Variants in ANO6 observed in about 807,000 individuals in gnomAD.
ANO6 encodes anoctamin 6.
A neutral mutation model predicts 117.5 loss-of-function variants in ANO6; 106 were observed. The ratio of observed to expected loss-of-function variants is 0.90; its 90% CI spans 0.77 to 1.06. The LOEUF is 1.06. Among genes scored for constraint, ANO6 ranks in the 50% least tolerant of loss-of-function variants. The probability of loss-of-function intolerance (pLI) is 0.00; values close to 1 mark genes in which losing one functional copy is unlikely to be tolerated. For synonymous variants in ANO6, 367 were observed against 385.1 expected (o/e 0.95, Z 0.55); for missense variants, 955 against 1,121.1 (o/e 0.85, Z 2.12).
intron 1 of ANO6, among the ~76,000 whole-genome samples, chr12:45,291,303 G>A (rs1450466049): frequency 6.0e-5 from 8 of 133,596 alleles, no homozygotes; most frequent in African/African-American, 1.4e-4. Flanking sequence ...CCAAGATCGC[G>A]CCATTGCACT....
intron 19 of ANO6, among the ~76,000 whole-genome samples, 153 bp from the exon 20 acceptor site, chr12:45,428,952 G>C (rs1228428603): frequency 6.6e-6 from 1 of 152,162 alleles, no homozygotes; most frequent in African/African-American, 2.4e-5. Context: ...CCACACTGTT[G>C]ATTAGACACA....
chr12:45,402,113 T>A, intron 13 of ANO6, 93 bp downstream of exon 13: 1 of 1,094,348 alleles, frequency 9.1e-7, no homozygotes, highest in Non-Finnish European at 1.3e-6. Flanking sequence ...TCAATTCCAG[T>A]AGGTTACAAT....
At chr12:45,437,725 C>T (rs1049800272) in intron 19 of ANO6, among the ~76,000 whole-genome samples, 1 of 151,928 alleles carries the variant, frequency 6.6e-6, no homozygotes, top group Non-Finnish European at 1.5e-5. Flanking sequence ...GCACATGCCA[C>T]GCCCAGCTAA....
chr12:45,350,539 T>G (rs1327621818), intron 6 of ANO6, 120 bp from the exon 7 acceptor site: 16 of 795,082 alleles, frequency 2.0e-5, no homozygotes, highest in Non-Finnish European at 3.2e-5. Context: ...TTTCCACCCT[T>G]TCCAGAAGGT....
chr12:45,262,245 A>G (rs1042007565), intron 1 of ANO6, among the ~76,000 whole-genome samples: 10 of 152,182 alleles, frequency 6.6e-5, no homozygotes, highest in Admixed American at 1.3e-4. Context: ...GTTTAGACCT[A>G]TGGTATCCTG....
intron 1 of ANO6, among the ~76,000 whole-genome samples, chr12:45,230,506 G>A (rs1947558713): frequency 6.6e-6 from 1 of 150,572 alleles, no homozygotes; most frequent in Non-Finnish European, 1.5e-5. Context: ...ACAAGGGATG[G>A]TTCCTTGCAT....
At chr12:45,237,778 G>A (rs1370844409) in intron 1 of ANO6, among the ~76,000 whole-genome samples, 1 of 152,186 alleles carries the variant, frequency 6.6e-6, no homozygotes, top group Non-Finnish European at 1.5e-5. Flanking sequence ...TTGGTAGCTT[G>A]ATGGGGATGG....
At chr12:45,250,562 A>G (rs1232936615) in intron 1 of ANO6, among the ~76,000 whole-genome samples, 3 of 151,594 alleles carry the variant, frequency 2.0e-5, no homozygotes, top group African/African-American at 7.3e-5. Flanking sequence ...CCAGCTAATT[A>G]AATTTTTTTG....
chr12:45,243,760 A>G (rs149813202), intron 1 of ANO6, among the ~76,000 whole-genome samples: 3,338 of 152,162 alleles, frequency 0.022, 65 homozygotes, highest in East Asian at 0.068. Flanking sequence ...ATGTTGGCCC[A>G]GCTGGTTTTG....
chr12:45,271,196 C>T (rs1170432830), intron 1 of ANO6, among the ~76,000 whole-genome samples: 4 of 152,184 alleles, frequency 2.6e-5, no homozygotes, highest in Non-Finnish European at 5.9e-5. Context: ...ACATGTTACT[C>T]AAGCTATGTA....
chr12:45,278,984 C>T (rs1938638071), intron 1 of ANO6, among the ~76,000 whole-genome samples: 1 of 152,174 alleles, frequency 6.6e-6, no homozygotes. Flanking sequence ...GTCTAGGAGT[C>T]TCAACATTCA....
rs1391324281 is a variant in ANO6 at position 45,424,339 on chromosome 12, T to TG, written c.2526+1277_2526+1278insG. On this transcript the variant is annotated intron_variant, in intron 19 of 19. Coordinates refer to ENST00000320560, the MANE Select transcript of ANO6 (RefSeq NM_001025356.3). Reference sequence around the variant, plus strand: ...AACTAGGTGATGGGTTTTTTTTTTTTTTTTTTTTTTTTTTTTAAAGACAGA... The same window carrying TG: ...AACTAGGTGATGGGTTTTTTTTTTTTGTTTTTTTTTTTTTTTTAAAGACAGA... 6.0e-3 allele frequency among the ~76,000 whole-genome samples: 764 copies of TG among 126,512 alleles called. 14 individuals are homozygous for TG. Among genetic ancestry groups the TG allele is most frequent in the Non-Finnish European group, 9.8e-3 (583 of 59,344 alleles). 83.0% of individuals were successfully genotyped at this position (126,512 alleles called of 152,430 possible).
chr12:45,406,781 C>T (rs1942946187), intron 15 of ANO6, among the ~76,000 whole-genome samples: 2 of 152,046 alleles, frequency 1.3e-5, no homozygotes, highest in African/African-American at 2.4e-5. Context: ...GCTTGTATTT[C>T]AAAATTAGCA....
At chr12:45,329,929 T>C (rs1183505840) in intron 2 of ANO6, among the ~76,000 whole-genome samples, 1 of 152,118 alleles carries the variant, frequency 6.6e-6, no homozygotes, top group Admixed American at 6.6e-5. Flanking sequence ...ACTCTTAAAG[T>C]TTATTGATTT....
chr12:45,326,347 CTG>C (rs1313149884), intron 2 of ANO6, among the ~76,000 whole-genome samples: 13 of 152,142 alleles, frequency 8.5e-5, no homozygotes, highest in African/African-American at 2.2e-4. Flanking sequence ...AAACACAAGA[CTG>C]TTTTTTAAGA....
At chr12:45,346,412 A>G (rs894404098) in intron 3 of ANO6, among the ~76,000 whole-genome samples, 28 of 152,190 alleles carry the variant, frequency 1.8e-4, no homozygotes, top group African/African-American at 6.8e-4. Context: ...ATGGCCATGT[A>G]ATATAGATAT....
At chr12:45,433,056 G>A (rs1225739899), downstream of ANO6, among the ~76,000 whole-genome samples, 1 of 152,176 alleles carries the variant, frequency 6.6e-6, no homozygotes, top group Non-Finnish European at 1.5e-5. Context: ...AATATGACCA[G>A]GACTTGATGA....
intron 9 of ANO6, among the ~76,000 whole-genome samples, chr12:45,375,391 A>T (rs1445652735): frequency 2.6e-5 from 4 of 152,320 alleles, no homozygotes; most frequent in African/African-American, 7.2e-5. Flanking sequence ...GAGCCCGCAT[A>T]GCCAAGTCAT....
chr12:45,423,100 T>C, intron 19 of ANO6, 38 bp downstream of exon 19: 1 of 1,489,398 alleles, frequency 6.7e-7, no homozygotes, highest in Non-Finnish European at 9.4e-7. Flanking sequence ...TATAAGGATG[T>C]GTATTTGCAG....
Sources: gnomAD v4.1 joint callset for allele counts (sites outside exome capture counted in the v4.1 genomes callset) on GRCh38, gnomAD v4.1.1 for gene constraint, MANE v1.5 for transcripts, NCBI Gene and HGNC (gene_info 2026-07-23, HGNC 2026-07-21) for gene names.